Variants in NFIL3 observed in about 807,000 individuals in gnomAD.
The protein encoded by NFIL3 is nuclear factor, interleukin 3 regulated, also known as nuclear factor interleukin-3-regulated protein.
In NFIL3, 5 loss-of-function variants were observed where a neutral mutation model predicts 10.0. That is an observed-to-expected ratio of 0.50 (90% CI 0.26 to 1.06). The LOEUF is 1.06. Among genes scored for constraint, NFIL3 ranks in the 50% least tolerant of loss-of-function variants. The pLI, the probability that NFIL3 is intolerant of heterozygous loss-of-function variation, is 0.13. For synonymous variants in NFIL3, 202 were observed against 206.5 expected (o/e 0.98, Z 0.19); for missense variants, 436 against 547.6 (o/e 0.80, Z 2.03).
At chr9:91,470,651 A>G in the NFIL3 span, among the ~76,000 whole-genome samples, 95 of 152,096 alleles carry the variant, frequency 6.2e-4, no homozygotes, top group African/African-American at 2.0e-3. Context: ...TCTCTTGTGG[A>G]CATTTAGTGC....
At chr9:91,412,136 C>CA (rs961377512) in intron 1 of NFIL3, among the ~76,000 whole-genome samples, 28 of 111,836 alleles carry the variant, frequency 2.5e-4, no homozygotes, top group Non-Finnish European at 4.9e-4. Context: ...CCACACAAAA[C>CA]AAAAAAACAC....
chr9:91,479,417 G>C, the NFIL3 span, among the ~76,000 whole-genome samples: 1 of 152,252 alleles, frequency 6.6e-6, no homozygotes, highest in East Asian at 1.9e-4. Flanking sequence ...CAACCAGTCC[G>C]AACTTCTTGG....
the NFIL3 span, among the ~76,000 whole-genome samples, chr9:91,454,935 A>G: frequency 2.0e-5 from 3 of 152,232 alleles, 1 homozygote; most frequent in East Asian, 3.8e-4. Context: ...AAAAATATTT[A>G]TTAAATGTCT....
chr9:91,412,890 G>A (rs367859780), intron 1 of NFIL3, among the ~76,000 whole-genome samples: 102 of 150,566 alleles, frequency 6.8e-4, no homozygotes, highest in African/African-American at 2.3e-3. Context: ...GTTCTTACAT[G>A]ATGCCACTAT....
the NFIL3 span, among the ~76,000 whole-genome samples, chr9:91,473,601 G>C: frequency 6.6e-6 from 1 of 152,228 alleles, no homozygotes; most frequent in African/African-American, 2.4e-5. Flanking sequence ...CAGTTTTCCA[G>C]GTACTGTCTG....
chr9:91,433,337 T>C, the NFIL3 span, among the ~76,000 whole-genome samples: 1 of 152,260 alleles, frequency 6.6e-6, no homozygotes, highest in Non-Finnish European at 1.5e-5. Context: ...ACACTTGGGA[T>C]TGTAGTCATG....
intron 1 of NFIL3, among the ~76,000 whole-genome samples, chr9:91,414,091 G>GC (rs1833607350): frequency 6.6e-6 from 1 of 152,300 alleles, no homozygotes; most frequent in East Asian, 1.9e-4. Context: ...AACTGAAATA[G>GC]CCCCATTTGT....
the NFIL3 span, among the ~76,000 whole-genome samples, chr9:91,482,034 G>A: frequency 3.3e-5 from 5 of 152,172 alleles, no homozygotes; most frequent in African/African-American, 1.2e-4. Context: ...TGGGGGAAAA[G>A]GCACTTGCAT....
At position 91,417,835 on chromosome 9, in the gene NFIL3, G is replaced by C. The variant is rs73651440; in HGVS notation, c.-173+5805C>G. Among the ~76,000 whole-genome samples the C allele has an allele frequency of 4.1e-3, 623 of 152,180 alleles. 2 individuals are homozygous for C. Among genetic ancestry groups the C allele is most frequent in the African/African-American group, 0.014 (573 of 41,526 alleles). The stretch of plus-strand genomic sequence containing the variant: ...ACATACACACACACTCTCGCACACT[G>C]CCAGAATCTATTCTATCATAGCAAC... On this transcript the variant is annotated intron_variant, in intron 1 of 1. Coordinates refer to ENST00000297689, the MANE Select transcript of NFIL3 (RefSeq NM_005384.3).
chr9:91,414,658 T>A (rs1056527266), intron 1 of NFIL3, among the ~76,000 whole-genome samples: 10 of 152,270 alleles, frequency 6.6e-5, no homozygotes, highest in Non-Finnish European at 1.2e-4. Context: ...ACATTCATGG[T>A]CTCTACAACT....
At chr9:91,442,455 T>C in the NFIL3 span, among the ~76,000 whole-genome samples, 2 of 152,234 alleles carry the variant, frequency 1.3e-5, no homozygotes, top group Non-Finnish European at 2.9e-5. Flanking sequence ...TTGTGTCTGC[T>C]GGGCTCGTTC....
chr9:91,462,006 G>C, the NFIL3 span, among the ~76,000 whole-genome samples: 1 of 152,060 alleles, frequency 6.6e-6, no homozygotes, highest in Non-Finnish European at 1.5e-5. Context: ...TAACAAAATG[G>C]GGGGAGGTTA....
chr9:91,465,168 T>C, the NFIL3 span, among the ~76,000 whole-genome samples: 3 of 152,148 alleles, frequency 2.0e-5, no homozygotes, highest in African/African-American at 7.2e-5. Flanking sequence ...CCATTATTAC[T>C]TCAAATATTT....
the NFIL3 span, among the ~76,000 whole-genome samples, chr9:91,470,484 T>C: frequency 6.6e-6 from 1 of 151,654 alleles, no homozygotes; most frequent in Non-Finnish European, 1.5e-5. Context: ...CCTGGATTCA[T>C]TGATTTTTTG....
At chr9:91,450,307 G>A in the NFIL3 span, among the ~76,000 whole-genome samples, 4 of 152,080 alleles carry the variant, frequency 2.6e-5, no homozygotes, top group Admixed American at 6.5e-5. Flanking sequence ...CTACTGATGT[G>A]AGATCTTCCT....
chr9:91,453,052 A>G, the NFIL3 span, among the ~76,000 whole-genome samples: 1 of 151,968 alleles, frequency 6.6e-6, no homozygotes, highest in Non-Finnish European at 1.5e-5. Context: ...CTTTCTCACA[A>G]TTCTGAGGGC....
At chr9:91,451,937 C>T in the NFIL3 span, among the ~76,000 whole-genome samples, 1 of 152,158 alleles carries the variant, frequency 6.6e-6, no homozygotes, top group African/African-American at 2.4e-5. Flanking sequence ...AAATCCTAGA[C>T]CCCTCACAAT....
At chr9:91,448,022 G>A in the NFIL3 span, among the ~76,000 whole-genome samples, 1 of 152,110 alleles carries the variant, frequency 6.6e-6, no homozygotes, top group African/African-American at 2.4e-5. Context: ...ACTTTTGTAT[G>A]TAATATGAAC....
the NFIL3 span, among the ~76,000 whole-genome samples, chr9:91,435,525 A>G: frequency 6.6e-6 from 1 of 152,204 alleles, no homozygotes; most frequent in Admixed American, 6.5e-5. Context: ...CATGGTCCTC[A>G]TGAAGCCTGA....
Sources: allele counts gnomAD v4.1 joint callset (sites outside exome capture counted in the v4.1 genomes callset), GRCh38; gene constraint gnomAD v4.1.1; transcripts MANE v1.5; gene names NCBI Gene and HGNC (gene_info 2026-07-23, HGNC 2026-07-21).